Variants in PAPPA2 observed in about 807,000 individuals in gnomAD.
PAPPA2 encodes pappalysin 2.
A neutral mutation model predicts 176.4 loss-of-function variants in PAPPA2; 86 were observed. The observed-to-expected ratio is 0.49, with a 90% CI of 0.41 to 0.58. The LOEUF is 0.58. Among genes scored for constraint, PAPPA2 ranks in the 20% least tolerant of loss-of-function variants. The pLI, the probability that PAPPA2 is intolerant of heterozygous loss-of-function variation, is 0.00. For missense variants in PAPPA2, 2,073 were observed against 2,256.9 expected (o/e 0.92, Z 1.65); for synonymous variants, 809 against 852.2 (o/e 0.95, Z 0.88).
intron 1 of PAPPA2, among the ~76,000 whole-genome samples, chr1:176,536,280 G>T (rs948338627): frequency 6.6e-6 from 1 of 152,172 alleles, no homozygotes; most frequent in East Asian, 1.9e-4. Flanking sequence ...TAGGGTCCGG[G>T]TGAGCTTTTC....
At chr1:176,468,817 A>C (rs549307810) in intron 1 of PAPPA2, among the ~76,000 whole-genome samples, 3 of 152,268 alleles carry the variant, frequency 2.0e-5, no homozygotes, top group Admixed American at 2.0e-4. Flanking sequence ...CCATGCTAAG[A>C]TTTCTCTTTG....
intron 3 of PAPPA2, among the ~76,000 whole-genome samples, chr1:176,620,884 CATATTTTCCTCATAAAGGTATAACA>C (rs1159182123): frequency 6.6e-6 from 1 of 152,044 alleles, no homozygotes; most frequent in Non-Finnish European, 1.5e-5. Context: ...TCCCCTTTTC[CATATTTTCCTCATAAAGGTATAACA>C]ATATTTTTAT....
chr1:176,692,343 G>A, intron 6 of PAPPA2, 25 bp downstream of exon 6: 7 of 1,569,116 alleles, frequency 4.5e-6, no homozygotes, highest in Non-Finnish European at 6.1e-6. Context: ...GGCTGTGGGT[G>A]AGCTGGCTTA....
intron 3 of PAPPA2, among the ~76,000 whole-genome samples, chr1:176,602,753 G>A (rs145354516): frequency 1.1e-3 from 163 of 152,178 alleles, no homozygotes; most frequent in African/African-American, 3.6e-3. Flanking sequence ...AAAATTCACA[G>A]GCAGTGTGAA....
At chr1:176,531,160 AAC>A (rs1320716276) in intron 1 of PAPPA2, among the ~76,000 whole-genome samples, 2 of 152,318 alleles carry the variant, frequency 1.3e-5, no homozygotes, top group East Asian at 1.9e-4. Context: ...TGTTCACACC[AAC>A]ACAGTTTCTA....
intron 1 of PAPPA2, among the ~76,000 whole-genome samples, chr1:176,499,153 A>G (rs76264995): frequency 0.08 from 12,163 of 152,238 alleles, 605 homozygotes; most frequent in South Asian, 0.16. Context: ...AATAGAGTTG[A>G]TCATGAATTT....
At chr1:176,763,390 A>G (rs1237146446) in intron 14 of PAPPA2, among the ~76,000 whole-genome samples, 1 of 152,208 alleles carries the variant, frequency 6.6e-6, no homozygotes. Flanking sequence ...TGCTCAGTAA[A>G]TGCTTATTAA....
At chr1:176,734,076 C>T (rs1336927482) in intron 12 of PAPPA2, among the ~76,000 whole-genome samples, 2 of 152,090 alleles carry the variant, frequency 1.3e-5, no homozygotes, top group Non-Finnish European at 2.9e-5. Flanking sequence ...AGCTGAATGC[C>T]AGAGTCATGA....
chr1:176,595,153 T>C lies in PAPPA2; in HGVS notation c.1549T>C (p.Trp517Arg). Residue 517 changes from tryptophan (W) to arginine (R), a missense_variant, in exon 3 of 23, where the codon TGG (tryptophan) becomes CGG (arginine). By Grantham distance (101) the Trp-to-Arg change is moderately radical. Around this residue, in one of 4 missense-constraint regions of PAPPA2, gnomAD observed 1,196 missense variants for 1,330.4 expected, o/e 0.90. Transcript: ENST00000367662. Reference protein sequence around the residue: ...VELISQYNGYWPLRGEKVIRY... With the variant: ...VELISQYNGYRPLRGEKVIRY... Reference sequence around the variant, plus strand: ...ATTGATCTCCCAGTACAATGGATACTGGCCCCTTCGGGGAGAGAAGGTGAT... The same window carrying C: ...ATTGATCTCCCAGTACAATGGATACCGGCCCCTTCGGGGAGAGAAGGTGAT... 3 of 1,614,152 alleles carry C rather than the reference T, an allele frequency of 1.9e-6. No homozygotes were observed. Among genetic ancestry groups the C allele is most frequent in the South Asian group, 1.1e-5 (1 of 91,070 alleles).
chr1:176,690,888 C>T (rs1660090911), intron 5 of PAPPA2: 1 of 976,800 alleles, frequency 1.0e-6, no homozygotes, highest in South Asian at 4.8e-5. Flanking sequence ...AATTTAGGCT[C>T]AGCATGTTTT....
intron 3 of PAPPA2, among the ~76,000 whole-genome samples, chr1:176,626,543 A>G (rs781178885): frequency 2.6e-5 from 4 of 152,208 alleles, no homozygotes; most frequent in Non-Finnish European, 4.4e-5. Context: ...GACAAAACAA[A>G]CATTGAAGGT....
intron 21 of PAPPA2, among the ~76,000 whole-genome samples, chr1:176,833,089 A>G (rs1667139925): frequency 6.6e-6 from 1 of 152,220 alleles, no homozygotes; most frequent in African/African-American, 2.4e-5. Context: ...ATCATCCAGC[A>G]GGATGTGTAT....
chr1:176,580,735 T>C (rs997706279), intron 2 of PAPPA2, among the ~76,000 whole-genome samples: 1 of 152,184 alleles, frequency 6.6e-6, no homozygotes, highest in African/African-American at 2.4e-5. Context: ...TAATTAATAA[T>C]GTTGAGCAGT....
chr1:176,622,809 T>G (rs1340871856), intron 3 of PAPPA2, among the ~76,000 whole-genome samples: 2 of 152,192 alleles, frequency 1.3e-5, no homozygotes, highest in African/African-American at 4.8e-5. Flanking sequence ...TTTGGGCTGC[T>G]ACAACAAAAT....
At position 176,740,091 on chromosome 1, in the gene PAPPA2, G is replaced by T; in HGVS notation, c.4046G>T (p.Arg1349Leu). The T allele has an allele frequency of 6.2e-7, 1 of 1,613,780 alleles. No individual in the cohort carries two copies. Among genetic ancestry groups the T allele is most frequent in the Admixed American group, 1.7e-5 (1 of 59,962 alleles). The change falls in exon 14 of 23, where the codon CGG becomes CTG. Residue 1349 changes from arginine to leucine, a missense_variant. By Grantham distance (102) the Arg-to-Leu change is moderately radical (BLOSUM62 -2). This residue lies in a region of PAPPA2 where 846 missense variants were observed against 857.9 expected (regional missense o/e 0.99). Coordinates refer to ENST00000367662, the MANE Select transcript of PAPPA2 (RefSeq NM_020318.3). Reference sequence around the variant, plus strand: ...GTGCTGCTGAATTTCTCATCCCCACGGGTCGGCATCTCAGCTGTGGCTCTA... The same window carrying T: ...GTGCTGCTGAATTTCTCATCCCCACTGGTCGGCATCTCAGCTGTGGCTCTA... ...TSVLLNFSSPRVGISAVALRT... is the reference protein window; with the variant it reads ...TSVLLNFSSPLVGISAVALRT...
intron 3 of PAPPA2, among the ~76,000 whole-genome samples, chr1:176,654,742 A>G (rs141763619): frequency 2.1e-3 from 324 of 151,736 alleles, no homozygotes; most frequent in African/African-American, 7.7e-3. Context: ...CATCATCTAC[A>G]ATTTTATACA....
Position 176,637,760 on chromosome 1 carries a change from A to G in PAPPA2, c.1992-33210A>G, listed in dbSNP as rs560683719. Among the ~76,000 whole-genome samples, 6 of 152,138 alleles carry G rather than the reference A, an allele frequency of 3.9e-5. No individual in the cohort carries two copies. The South Asian group carries it at 8.3e-4, about 21-fold the overall frequency. ...GTAGACAACACTGGCTCTTGATTCA[A>G]TTGTTTGTGGCCTTTCTGTATTACG... On this transcript the variant is annotated intron_variant, in intron 3 of 22. Transcript: ENST00000367662.
intron 3 of PAPPA2, among the ~76,000 whole-genome samples, chr1:176,620,720 A>G (rs1655545415): frequency 6.6e-6 from 1 of 152,204 alleles, no homozygotes; most frequent in Non-Finnish European, 1.5e-5. Context: ...GATAATAGTT[A>G]TCTGTTGCTG....
intron 2 of PAPPA2, among the ~76,000 whole-genome samples, chr1:176,568,772 G>T (rs183333492): frequency 6.6e-6 from 1 of 152,266 alleles, no homozygotes; most frequent in Non-Finnish European, 1.5e-5. Flanking sequence ...GCCCTGTTGT[G>T]TTCATCCCAA....
Sources: gnomAD v4.1 joint callset for allele counts (sites outside exome capture counted in the v4.1 genomes callset) on GRCh38, gnomAD v4.1.1 for gene constraint, gnomAD v4.1.1 regional missense constraint, MANE v1.5 for transcripts, NCBI Gene and HGNC (gene_info 2026-07-23, HGNC 2026-07-21) for gene names.